Variants in THSD4 observed in about 807,000 individuals in gnomAD.
The protein encoded by THSD4 is thrombospondin type-1 domain-containing protein 4.
In THSD4, 69 loss-of-function variants were observed where a neutral mutation model predicts 119.0. That is an observed-to-expected ratio of 0.58 (90% confidence interval 0.48 to 0.71). The LOEUF (loss-of-function observed/expected upper bound fraction) is 0.71. THSD4 is among the 30% of genes least tolerant of loss of function. The probability of loss-of-function intolerance (pLI) is 0.00; values close to 1 mark genes in which losing one functional copy is unlikely to be tolerated. For synonymous variants in THSD4, 524 were observed against 540.4 expected, an observed-to-expected ratio of 0.97 and a Z score of 0.42; for missense variants, 1,393 against 1,391.1, an observed-to-expected ratio of 1.00 and a Z score of -0.02.
At chr15:71,350,247 A>G (rs888545288) in intron 6 of THSD4, among the ~76,000 whole-genome samples, 1 of 152,088 alleles carries the variant, frequency 6.6e-6, no homozygotes, top group African/African-American at 2.4e-5. Flanking sequence ...GTTTGACCAC[A>G]TTTACTCACT....
chr15:71,408,288 A>C (rs1176605454), intron 6 of THSD4, among the ~76,000 whole-genome samples: 1 of 152,166 alleles, frequency 6.6e-6, no homozygotes, highest in Non-Finnish European at 1.5e-5. Flanking sequence ...GCTGGAGTGC[A>C]GTCGTACAGT....
intron 2 of THSD4, among the ~76,000 whole-genome samples, chr15:71,144,429 C>A (rs899299544): frequency 6.6e-6 from 1 of 152,078 alleles, no homozygotes; most frequent in East Asian, 1.9e-4. Flanking sequence ...CACACACAGA[C>A]GCACACACAT....
chr15:71,343,721 T>G (rs1416043582), intron 6 of THSD4, among the ~76,000 whole-genome samples: 1 of 151,140 alleles, frequency 6.6e-6, no homozygotes, highest in Non-Finnish European at 1.5e-5. Context: ...CAGGATTTTT[T>G]TTTTTTTTTT....
At chr15:71,226,424 C>G (rs1268196776) in intron 4 of THSD4, among the ~76,000 whole-genome samples, 1 of 152,052 alleles carries the variant, frequency 6.6e-6, no homozygotes, top group Non-Finnish European at 1.5e-5. Flanking sequence ...TTGAAAGGTT[C>G]GTTCATTTTG....
intron 6 of THSD4, among the ~76,000 whole-genome samples, chr15:71,339,268 T>C (rs929734262): frequency 3.9e-5 from 6 of 152,140 alleles, no homozygotes; most frequent in Non-Finnish European, 8.8e-5. Context: ...CCCAAACTGT[T>C]ACTTCTGCCT....
intron 6 of THSD4, among the ~76,000 whole-genome samples, chr15:71,319,179 A>G (rs553181839): frequency 6.6e-6 from 1 of 152,032 alleles, no homozygotes; most frequent in Non-Finnish European, 1.5e-5. Context: ...ACCTTAGGAC[A>G]CTCCTGGTAT....
chr15:71,725,422 A>C (rs1283755844), intron 8 of THSD4, among the ~76,000 whole-genome samples: 2 of 152,200 alleles, frequency 1.3e-5, no homozygotes, highest in Non-Finnish European at 2.9e-5. Flanking sequence ...GGTCCTAGGA[A>C]ATTGCTCATG....
chr15:71,276,678 C>T (rs750531146), intron 6 of THSD4, among the ~76,000 whole-genome samples: 3 of 152,248 alleles, frequency 2.0e-5, no homozygotes, highest in Admixed American at 1.3e-4. Flanking sequence ...TTATTAAAGA[C>T]GATGAGCTTC....
intron 7 of THSD4, among the ~76,000 whole-genome samples, chr15:71,622,485 C>A (rs1256222047): frequency 6.6e-6 from 1 of 152,206 alleles, no homozygotes; most frequent in Non-Finnish European, 1.5e-5. Flanking sequence ...ATCTGGAAGC[C>A]AGTTGACTCC....
At chr15:71,365,816 T>C (rs967904452) in intron 6 of THSD4, among the ~76,000 whole-genome samples, 3 of 152,122 alleles carry the variant, frequency 2.0e-5, no homozygotes, top group East Asian at 1.9e-4. Flanking sequence ...ACTCAGGTAG[T>C]CTCATGACTT....
At chr15:71,402,115 TG>T (rs1231954273) in intron 6 of THSD4, among the ~76,000 whole-genome samples, 2 of 67,514 alleles carry the variant, frequency 3.0e-5, no homozygotes, top group African/African-American at 1.4e-4. Flanking sequence ...GGTGGGGGGA[TG>T]GGGGAGGGAT....
upstream of THSD4, chr15:71,113,700 A>C (rs2040324769): frequency 6.6e-6 from 1 of 152,228 alleles, no homozygotes; most frequent in Admixed American, 6.5e-5. Flanking sequence ...TTCTTTTAGA[A>C]TGGAAAGTTT....
intron 5 of THSD4, among the ~76,000 whole-genome samples, chr15:71,250,509 G>T (rs1052533511): frequency 6.6e-6 from 1 of 152,028 alleles, no homozygotes; most frequent in African/African-American, 2.4e-5. Flanking sequence ...TGTAGAGATG[G>T]GTTCTTGCTA....
chr15:71,442,735 A>G (rs892000047), intron 7 of THSD4, among the ~76,000 whole-genome samples: 40 of 136,130 alleles, frequency 2.9e-4, no homozygotes, highest in African/African-American at 1.0e-3. Flanking sequence ...AAGTTTCAAA[A>G]CAGGACAAAC....
intron 6 of THSD4, among the ~76,000 whole-genome samples, chr15:71,258,203 G>A (rs2044342905): frequency 6.6e-6 from 1 of 152,106 alleles, no homozygotes; most frequent in South Asian, 2.1e-4. Flanking sequence ...TTTTGAGGTG[G>A]AGTCTTGCAC....
chr15:71,528,293 CTTGACTCTCT>C (rs2048557214), intron 7 of THSD4, among the ~76,000 whole-genome samples: 1 of 152,098 alleles, frequency 6.6e-6, no homozygotes, highest in Non-Finnish European at 1.5e-5. Flanking sequence ...GGATGGGGTC[CTTGACTCTCT>C]GAGAGTCATG....
chr15:71,180,131 T>A, intron 3 of THSD4, among the ~76,000 whole-genome samples: 2 of 101,800 alleles, frequency 2.0e-5, no homozygotes, highest in East Asian at 2.7e-4. Flanking sequence ...ACCCTAAAAC[T>A]TAGAGTATAA....
At position 71,447,114 on chromosome 15, in the gene THSD4, TTTTG is replaced by T. The variant is rs1332822639; in HGVS notation, c.1152+35295_1152+35298del. Among the ~76,000 whole-genome samples the T allele has an allele frequency of 2.0e-4, 11 of 54,910 alleles. 2 individuals are homozygous for T. The highest frequency in any genetic ancestry group is 3.9e-4 in the Non-Finnish European group (9 of 23,200). 36.0% of individuals were successfully genotyped at this position (54,910 alleles called of 152,430 possible). ...TCTGTTGCCCTCTTCCCTCCATTTTTTTTGTTTTTTTTTTTTTTTTTTTTGGAGA... is the reference window on the plus strand; with the variant it reads ...TCTGTTGCCCTCTTCCCTCCATTTTTTTTTTTTTTTTTTTTTTTTTGGAGA... On this transcript the variant is annotated intron_variant, in intron 7 of 17. Transcript: ENST00000261862.
intron 1 of THSD4, among the ~76,000 whole-genome samples, chr15:71,109,654 TTA>T (rs2040289459): frequency 6.6e-6 from 1 of 152,034 alleles, no homozygotes; most frequent in Non-Finnish European, 1.5e-5. Flanking sequence ...CTGCTTTCTT[TTA>T]TGACACCAAA....
Sources: allele counts gnomAD v4.1 joint callset (sites outside exome capture counted in the v4.1 genomes callset), GRCh38; gene constraint gnomAD v4.1.1; transcripts MANE v1.5; gene names NCBI Gene and HGNC (gene_info 2026-07-23, HGNC 2026-07-21).